The following FSIP1 variants were observed in gnomAD, a reference collection of about 807,000 sequenced individuals.
FSIP1 encodes fibrous sheath-interacting protein 1.
Under a neutral mutation model 60.9 loss-of-function variants are expected in FSIP1, and 65 were observed. The ratio of observed to expected loss-of-function variants is 1.07; its 90% CI spans 0.87 to 1.31. The LOEUF (loss-of-function observed/expected upper bound fraction) is 1.31. Among genes scored for constraint, FSIP1 ranks in the 40% most tolerant of loss-of-function variants. The probability of loss-of-function intolerance (pLI) is 0.00; values close to 1 mark genes in which losing one functional copy is unlikely to be tolerated. For synonymous variants in FSIP1, 209 were observed against 221.2 expected, an observed-to-expected ratio of 0.94 and a Z score of 0.49; for missense variants, 675 against 665.5, an observed-to-expected ratio of 1.01 and a Z score of -0.16.
intron 10 of FSIP1, among the ~76,000 whole-genome samples, chr15:39,675,787 T>C (rs1893913470): frequency 6.6e-6 from 1 of 152,192 alleles, no homozygotes; most frequent in Non-Finnish European, 1.5e-5. Context: ...GTGATAAAGT[T>C]CTGCATTTCA....
intron 10 of FSIP1, among the ~76,000 whole-genome samples, chr15:39,671,812 T>C (rs1453890529): frequency 6.6e-6 from 1 of 152,226 alleles, no homozygotes; most frequent in Non-Finnish European, 1.5e-5. Context: ...AAGTGAATAA[T>C]GCAAAAATCT....
chr15:39,648,027 G>C (rs1307636047), intron 10 of FSIP1, among the ~76,000 whole-genome samples: 1 of 151,816 alleles, frequency 6.6e-6, no homozygotes, highest in Non-Finnish European at 1.5e-5. Flanking sequence ...GTGGGGTGGG[G>C]GGAGCGGGGA....
intron 2 of FSIP1, among the ~76,000 whole-genome samples, chr15:39,773,428 A>G (rs931215178): frequency 1.3e-5 from 2 of 152,252 alleles, no homozygotes; most frequent in Non-Finnish European, 2.9e-5. Context: ...AATATTCTAG[A>G]GTTTAACCTG....
At chr15:39,703,446 T>C (rs186143401) in intron 10 of FSIP1, among the ~76,000 whole-genome samples, 13 of 152,364 alleles carry the variant, frequency 8.5e-5, no homozygotes, top group African/African-American at 3.1e-4. Context: ...ATGTTTACAG[T>C]ATAGGTAGAA....
chr15:39,633,021 C>T (rs915631215), intron 10 of FSIP1, among the ~76,000 whole-genome samples: 2 of 151,052 alleles, frequency 1.3e-5, no homozygotes, highest in Non-Finnish European at 2.9e-5. Context: ...CTTCCCTTTG[C>T]TAGACATAAA....
intron 1 of FSIP1, among the ~76,000 whole-genome samples, chr15:39,779,183 C>T (rs927970297): frequency 6.6e-6 from 1 of 151,958 alleles, no homozygotes; most frequent in African/African-American, 2.4e-5. Context: ...TAATAGAAAA[C>T]TGGGTAAAGA....
intron 10 of FSIP1, among the ~76,000 whole-genome samples, chr15:39,683,934 G>A (rs980010820): frequency 2.0e-5 from 3 of 152,212 alleles, no homozygotes; most frequent in African/African-American, 4.8e-5. Flanking sequence ...TGAAAGAAAT[G>A]AAAGAAGACT....
chr15:39,726,822 A>G, intron 8 of FSIP1, 75 bp from the exon 9 acceptor site: 3 of 1,164,774 alleles, frequency 2.6e-6, no homozygotes, highest in Non-Finnish European at 3.7e-6. Flanking sequence ...AGTGGCTATA[A>G]CAGTGCCCAG....
chr15:39,757,999 T>C (rs888004675), intron 5 of FSIP1, among the ~76,000 whole-genome samples: 2 of 152,134 alleles, frequency 1.3e-5, no homozygotes, highest in Non-Finnish European at 2.9e-5. Context: ...TGATTCTCTC[T>C]TAACATAGCT....
At chr15:39,754,309 T>C (rs911888482) in intron 5 of FSIP1, among the ~76,000 whole-genome samples, 18 of 152,082 alleles carry the variant, frequency 1.2e-4, no homozygotes, top group African/African-American at 4.3e-4. Context: ...AGGAGGGATC[T>C]TGAGTCGGAA....
At position 39,617,735 on chromosome 15, in the gene FSIP1, C is replaced by T; in HGVS notation, c.1699G>A (p.Asp567Asn). The change falls in exon 11 of 12, where the codon GAT becomes AAT. Residue 567 changes from aspartate to asparagine, a missense_variant and splice_region_variant. Transcript: ENST00000350221. ...KLSSPENTIA[D>N]EQETKDAAEE... ...AAAACACATGTTCGCCAAGCCTCAC[C>T]TGCTATTGTATTCTCTGGAGAACTG... 1.2e-6 allele frequency: 2 copies of T among 1,606,432 alleles called. No homozygotes were observed. Among genetic ancestry groups the T allele is most frequent in the Non-Finnish European group, 1.7e-6 (2 of 1,175,730 alleles).
In FSIP1 at chr15:39,617,751, T is replaced by C. The variant is rs2140380306; in HGVS notation, c.1683A>G (p.Pro561=). Residue 561 remains proline (P), a synonymous_variant, in exon 11 of 12, where the codon CCA becomes CCG. Transcript: ENST00000350221. ...SEDQHLKLSS[P]ENTIADEQET... ...AAGCCTCACCTGCTATTGTATTCTC[T>C]GGAGAACTGAGTTTCAGATGTTGGT... The C allele has an allele frequency of 1.2e-6, 2 of 1,613,272 alleles. No homozygotes were observed. Among genetic ancestry groups the C allele is most frequent in the East Asian group, 2.2e-5 (1 of 44,864 alleles).
At chr15:39,658,930 G>C (rs1893180944) in intron 10 of FSIP1, among the ~76,000 whole-genome samples, 1 of 152,150 alleles carries the variant, frequency 6.6e-6, no homozygotes, top group Non-Finnish European at 1.5e-5. Flanking sequence ...TGACTAATGA[G>C]TAAACAAAAT....
intron 9 of FSIP1, among the ~76,000 whole-genome samples, chr15:39,716,611 C>T (rs183563789): frequency 6.6e-6 from 1 of 152,114 alleles, no homozygotes; most frequent in African/African-American, 2.4e-5. Context: ...CAAATAAGAA[C>T]ATGAAAACCT....
At chr15:39,646,450 G>C (rs1188683460) in intron 10 of FSIP1, among the ~76,000 whole-genome samples, 2 of 146,110 alleles carry the variant, frequency 1.4e-5, no homozygotes, top group Non-Finnish European at 3.0e-5. Context: ...CTGAGAAGCT[G>C]AGGCAGGAGG....
intron 3 of FSIP1, among the ~76,000 whole-genome samples, chr15:39,769,415 C>A (rs905689439): frequency 2.0e-5 from 3 of 152,110 alleles, no homozygotes; most frequent in Non-Finnish European, 2.9e-5. Flanking sequence ...CAGTAGTTAT[C>A]CTCGAAGTAA....
intron 10 of FSIP1, among the ~76,000 whole-genome samples, chr15:39,696,696 C>T (rs781083479): frequency 4.6e-5 from 7 of 152,058 alleles, no homozygotes; most frequent in Admixed American, 1.3e-4. Context: ...AGAAAGGCCT[C>T]ATTCAATAGA....
At chr15:39,733,216 A>G (rs1896476067) in intron 8 of FSIP1, among the ~76,000 whole-genome samples, 1 of 152,148 alleles carries the variant, frequency 6.6e-6, no homozygotes, top group Non-Finnish European at 1.5e-5. Context: ...TTTTTAGTAG[A>G]GATGGGGTTT....
At chr15:39,738,513 C>G (rs1487006309) in intron 7 of FSIP1, among the ~76,000 whole-genome samples, 1 of 152,166 alleles carries the variant, frequency 6.6e-6, no homozygotes, top group Non-Finnish European at 1.5e-5. Context: ...CAAAAACATA[C>G]TTGCTGAGAC....
Sources: allele counts gnomAD v4.1 joint callset (sites outside exome capture counted in the v4.1 genomes callset), GRCh38; gene constraint gnomAD v4.1.1; transcripts MANE v1.5; gene names NCBI Gene and HGNC (gene_info 2026-07-23, HGNC 2026-07-21).